The following RAB9B variants were observed in gnomAD, a reference collection of about 807,000 sequenced individuals.
The protein encoded by RAB9B is RAB9B, member RAS oncogene family.
A neutral mutation model predicts 8.9 loss-of-function variants in RAB9B; 1 was observed. The ratio of observed to expected loss-of-function variants is 0.11; its 90% CI spans 0.04 to 0.53. The LOEUF is 0.53. Among genes scored for constraint, RAB9B ranks in the 20% least tolerant of loss-of-function variants. The pLI is 0.93. For synonymous variants in RAB9B, 63 were observed against 57.0 expected (o/e 1.10, Z -0.47); for missense variants, 82 against 152.9 (o/e 0.54, Z 2.45).
the RAB9B span, among the ~76,000 whole-genome samples, chrX:103,793,528 A>T: frequency 1.1e-4 from 12 of 112,447 alleles, no homozygotes; most frequent in East Asian, 2.5e-3. Flanking sequence ...AAGAATAAAA[A>T]TATGACAGGG....
chrX:103,811,070 A>G, the RAB9B span, among the ~76,000 whole-genome samples: 7 of 111,799 alleles, frequency 6.3e-5, no homozygotes, highest in African/African-American at 2.3e-4. Flanking sequence ...AAGAAGTCAG[A>G]ATTTACTCAA....
chrX:103,786,644 G>A, the RAB9B span: 1 of 1,211,302 alleles, frequency 8.3e-7, no homozygotes, highest in Non-Finnish European at 1.1e-6. Flanking sequence ...CAGAAGGGGA[G>A]GGGTTCCAGA....
the RAB9B span, chrX:103,789,310 C>G: frequency 8.7e-7 from 1 of 1,151,126 alleles, no homozygotes; most frequent in Admixed American, 2.2e-5. Context: ...AGAAACAGTT[C>G]TTCCTCTTTC....
the RAB9B span, chrX:103,781,129 G>A: frequency 4.4e-6 from 1 of 229,355 alleles, no homozygotes; most frequent in Non-Finnish European, 8.4e-6. Context: ...TTCGATGAAA[G>A]CCCTTCCTCT....
Position 103,825,151 on chromosome X carries a change from G to T in RAB9B, c.*28C>A. On this transcript the variant is annotated 3_prime_UTR_variant, in exon 3 of 3. Transcript: ENST00000243298. ...CTTACACTACTGACTGATCAATTTG[G>T]GGCACATTTTTAAAAGGCTCCCTAT... 8.4e-7 allele frequency: 1 copy of T among 1,186,128 alleles called. No individual in the cohort carries two copies. Among genetic ancestry groups the T allele is most frequent in the Non-Finnish European group, 1.1e-6 (1 of 882,416 alleles).
At chrX:103,801,941 A>G in the RAB9B span, among the ~76,000 whole-genome samples, 2 of 111,648 alleles carry the variant, frequency 1.8e-5, no homozygotes, top group Non-Finnish European at 1.9e-5. Flanking sequence ...GAGGGCCAGA[A>G]CAGGCTAATC....
chrX:103,818,198 C>T (rs1269209714), downstream of RAB9B, among the ~76,000 whole-genome samples: 1 of 111,043 alleles, frequency 9.0e-6, no homozygotes, highest in Non-Finnish European at 1.9e-5. Flanking sequence ...TAAAAATGGC[C>T]AATGAATGTA....
At chrX:103,820,822 C>T (rs924269374), downstream of RAB9B, among the ~76,000 whole-genome samples, 9 of 110,039 alleles carry the variant, frequency 8.2e-5, no homozygotes, top group South Asian at 1.6e-3. Flanking sequence ...TGGTGGCGGG[C>T]GCCTGTAATC....
the RAB9B span, among the ~76,000 whole-genome samples, chrX:103,808,595 C>T: frequency 2.7e-5 from 3 of 112,714 alleles, no homozygotes; most frequent in Admixed American, 9.3e-5. Context: ...TTCTCTGCAC[C>T]CTTGAAAACA....
rs1334213624 is a variant in RAB9B, at chrX:103,832,256, T to TCGAGCC, written c.-314_-313insGGCTCG. 4 of 109,301 alleles carry TCGAGCC rather than the reference T, an allele frequency of 3.7e-5. No homozygotes were observed. Among genetic ancestry groups the TCGAGCC allele is most frequent in the African/African-American group, 1.3e-4 (4 of 30,014 alleles). The allele number at this position is 109,301 out of a possible 1,213,427, so 9.0% of individuals were successfully genotyped here. On this transcript the variant is annotated 5_prime_UTR_variant, in exon 1 of 3. Transcript: ENST00000243298. Reference sequence around the variant, plus strand: ...CCCGCCGCTGCCGCCGCGCAGCGTCTCGAGCCCGCGCCCGCGCCCGCCAGG... The same window carrying TCGAGCC: ...CCCGCCGCTGCCGCCGCGCAGCGTCTCGAGCCCGAGCCCGCGCCCGCGCCCGCCAGG...
At chrX:103,790,366 G>A in the RAB9B span, among the ~76,000 whole-genome samples, 1 of 112,896 alleles carries the variant, frequency 8.9e-6, no homozygotes, top group East Asian at 2.8e-4. Flanking sequence ...AAGTGTATAT[G>A]GAGAAAGCCA....
At chrX:103,796,185 A>T in the RAB9B span, among the ~76,000 whole-genome samples, 3 of 112,382 alleles carry the variant, frequency 2.7e-5, no homozygotes, top group Admixed American at 2.8e-4. Context: ...ATTCAAAATA[A>T]TTGTCTGGGC....
the RAB9B span, among the ~76,000 whole-genome samples, chrX:103,804,200 C>T: frequency 8.9e-6 from 1 of 111,957 alleles, no homozygotes; most frequent in African/African-American, 3.2e-5. Context: ...AGTCCAATTT[C>T]ATTGTTTTCC....
At chrX:103,786,068 G>C in the RAB9B span, 2 of 1,056,804 alleles carry the variant, frequency 1.9e-6, no homozygotes. Flanking sequence ...AGCGTAGTAG[G>C]TATGGAGAAG....
At chrX:103,826,950 G>A (rs1459434486) in intron 2 of RAB9B, 55 bp downstream of exon 2, 1 of 111,630 alleles carries the variant, frequency 9.0e-6, no homozygotes, top group Non-Finnish European at 1.9e-5. Context: ...TCATTTTTAA[G>A]AGATCAAATA....
downstream of RAB9B, among the ~76,000 whole-genome samples, chrX:103,818,926 A>G (rs934426372): frequency 5.4e-5 from 6 of 111,363 alleles, no homozygotes; most frequent in African/African-American, 1.6e-4. Context: ...TAAAGCATTT[A>G]TCGGTCACTC....
downstream of RAB9B, among the ~76,000 whole-genome samples, chrX:103,818,399 C>A (rs1602398379): frequency 9.0e-6 from 1 of 110,908 alleles, no homozygotes; most frequent in East Asian, 2.8e-4. Flanking sequence ...GGCCAATTTG[C>A]CAGTATATAT....
At chrX:103,830,025 G>A (rs190975226) in intron 1 of RAB9B, among the ~76,000 whole-genome samples, 4 of 111,858 alleles carry the variant, frequency 3.6e-5, no homozygotes, top group Non-Finnish European at 7.5e-5. Flanking sequence ...CAGAAGTTAT[G>A]AACTTGACTC....
intron 1 of RAB9B, among the ~76,000 whole-genome samples, chrX:103,829,374 C>T (rs891163581): frequency 3.6e-5 from 4 of 111,456 alleles, no homozygotes; most frequent in East Asian, 2.8e-4. Context: ...CTAAGGAAAC[C>T]CTCCACTCTC....
Sources: allele counts gnomAD v4.1 joint callset (sites outside exome capture counted in the v4.1 genomes callset), GRCh38; gene constraint gnomAD v4.1.1; transcripts MANE v1.5; gene names NCBI Gene and HGNC (gene_info 2026-07-23, HGNC 2026-07-21).